The following CCPG1 variants were observed in gnomAD, a reference collection of about 807,000 sequenced individuals.
CCPG1 encodes cell cycle progression protein 1.
Under a neutral mutation model 81.3 loss-of-function variants are expected in CCPG1, and 46 were observed. That is an observed-to-expected ratio of 0.57 (90% CI 0.45 to 0.72). The LOEUF is 0.72. Ranked by LOEUF, CCPG1 falls within the 30% of genes least tolerant of loss-of-function variation. The pLI is 0.00. For synonymous variants in CCPG1, 330 were observed against 305.2 expected, an observed-to-expected ratio of 1.08 and a Z score of -0.85; for missense variants, 902 against 937.6, an observed-to-expected ratio of 0.96 and a Z score of 0.50.
chr15:55,398,076 G>A (rs914594128), intron 1 of CCPG1: 6 of 152,150 alleles, frequency 3.9e-5, no homozygotes, highest in African/African-American at 1.4e-4. Context: ...CATAAAGTAG[G>A]CGTCTGGAGA....
At chr15:55,397,424 G>A (rs1469146517) in intron 1 of CCPG1, among the ~76,000 whole-genome samples, 8 of 143,064 alleles carry the variant, frequency 5.6e-5, no homozygotes, top group Admixed American at 4.0e-4. Context: ...GGGGAGCAAA[G>A]GCAGAAGCAA....
intron 3 of CCPG1, among the ~76,000 whole-genome samples, chr15:55,379,842 T>G (rs2056644444): frequency 6.6e-6 from 1 of 152,084 alleles, no homozygotes; most frequent in Non-Finnish European, 1.5e-5. Context: ...CTCAAACCTG[T>G]AATCCCAGCA....
chr15:55,355,550 C>A lies in CCPG1; in HGVS notation c.*670G>T. 1 of 724,600 alleles carries A rather than the reference C, an allele frequency of 1.4e-6. No individual in the cohort carries two copies. The highest frequency in any genetic ancestry group is 2.3e-6 in the Non-Finnish European group (1 of 438,626). 44.9% of individuals were successfully genotyped at this position (724,600 alleles called of 1,614,324 possible). On this transcript the variant is annotated 3_prime_UTR_variant, in exon 9 of 9. Transcript: ENST00000442196. ...AAAAAAGCTGTATGAACTGCTTTAC[C>A]AAATATCACTACTGAGGAAATGTAT... is the stretch of plus-strand genomic sequence containing the variant.
chr15:55,371,667 C>T, intron 6 of CCPG1, 126 bp downstream of exon 6: 1 of 925,552 alleles, frequency 1.1e-6, no homozygotes, highest in South Asian at 1.9e-5. Flanking sequence ...GAGGCTCAAA[C>T]AGGCTTCAAG....
At chr15:55,385,140 C>T (rs1281825761) in intron 3 of CCPG1, among the ~76,000 whole-genome samples, 1 of 152,182 alleles carries the variant, frequency 6.6e-6, no homozygotes, top group East Asian at 1.9e-4. Context: ...GTTCTGTGGG[C>T]CTTCACCAAA....
intron 1 of CCPG1, chr15:55,400,068 A>C (rs2057097666): frequency 6.6e-6 from 1 of 151,732 alleles, no homozygotes; most frequent in African/African-American, 2.4e-5. Context: ...CTAGGCCCAC[A>C]TAGTGGCAGG....
At chr15:55,400,563 AAAAAC>A (rs903749093) in intron 1 of CCPG1, among the ~76,000 whole-genome samples, 1 of 142,640 alleles carries the variant, frequency 7.0e-6, no homozygotes, top group African/African-American at 3.0e-5. Flanking sequence ...TCAAAAAAAC[AAAAAC>A]AAAACAAAAC....
At chr15:55,374,157 T>A (rs1386333548) in intron 5 of CCPG1, 2 of 1,288,450 alleles carry the variant, frequency 1.6e-6, no homozygotes, top group Non-Finnish European at 2.0e-6. Context: ...CACACCACCT[T>A]GGAAAGCGAG....
chr15:55,374,394 A>T, intron 5 of CCPG1: 1 of 416,814 alleles, frequency 2.4e-6, no homozygotes, highest in Non-Finnish European at 4.2e-6. Context: ...CTTCTTAAAA[A>T]CACACAATAC....
At chr15:55,380,575 A>G (rs2056666751) in intron 3 of CCPG1, among the ~76,000 whole-genome samples, 1 of 151,888 alleles carries the variant, frequency 6.6e-6, no homozygotes, top group Non-Finnish European at 1.5e-5. Flanking sequence ...GATTATAGGC[A>G]TGAGCTACCG....
intron 2 of CCPG1, among the ~76,000 whole-genome samples, chr15:55,386,947 G>A (rs1159483850): frequency 6.6e-6 from 1 of 151,926 alleles, no homozygotes; most frequent in Non-Finnish European, 1.5e-5. Flanking sequence ...GCCCTAATGA[G>A]AATTCGGAAT....
At position 55,356,225 on chromosome 15, in the gene CCPG1, A is replaced by G. The variant is rs2056074848; in HGVS notation, c.2419T>C (p.Tyr807His). The part of the protein sequence containing the change: ...ELGQLPFDPQ[Y>H] The stretch of plus-strand genomic sequence containing the variant: ...TAATTTAACTCAATTGTGAATCAGT[A>G]TTGAGGATCAAAAGGTAATTGCCCC... The change falls in exon 9 of 9, where the codon TAC becomes CAC. Residue 807 changes from tyrosine (Y) to histidine (H), a missense_variant. Around this residue, in one of 3 missense-constraint regions of CCPG1, gnomAD observed 128 missense variants for 161.2 expected, o/e 0.79. Coordinates refer to ENST00000442196, the MANE Select transcript of CCPG1 (RefSeq NM_001204450.2). 11 of 1,533,412 alleles carry G rather than the reference A, an allele frequency of 7.2e-6. No homozygotes were observed. The highest frequency in any genetic ancestry group is 9.6e-6 in the Non-Finnish European group (11 of 1,145,920). The allele number at this position is 1,533,412 out of a possible 1,614,324, so 95.0% of individuals were successfully genotyped here.
intron 4 of CCPG1, 70 bp from the exon 5 acceptor site, chr15:55,377,220 C>G (rs2056585322): frequency 2.9e-6 from 3 of 1,045,026 alleles, no homozygotes; most frequent in Admixed American, 4.0e-5. Context: ...TCTTAGAATA[C>G]AACAGTAGTA....
In CCPG1 at chr15:55,355,668, C is replaced by T. The variant is rs2056064579; in HGVS notation, c.*552G>A. On this transcript the variant is annotated 3_prime_UTR_variant, in exon 9 of 9. Transcript: ENST00000442196. ...TCCTCATGGTGTAGTTTTATTGTTT[C>T]TTCCACGATATTCAGATGTGCAAAA... The T allele has an allele frequency of 3.0e-6, 1 of 334,224 alleles. No individual in the cohort carries two copies. The highest frequency in any genetic ancestry group is 4.7e-5 in the Admixed American group (1 of 21,490). 20.7% of individuals were successfully genotyped at this position (334,224 alleles called of 1,614,324 possible). A position where few individuals can be genotyped will look rare whatever the true frequency, so the allele number is the denominator to read the frequency against.
At chr15:55,392,643 C>A (rs991086208) in intron 1 of CCPG1, among the ~76,000 whole-genome samples, 2 of 152,082 alleles carry the variant, frequency 1.3e-5, no homozygotes, top group African/African-American at 4.8e-5. Flanking sequence ...ACCTCAGCCT[C>A]CTGAGTAGCT....
At chr15:55,380,457 G>A (rs983165772) in intron 3 of CCPG1, among the ~76,000 whole-genome samples, 11 of 151,222 alleles carry the variant, frequency 7.3e-5, no homozygotes, top group Non-Finnish European at 1.6e-4. Context: ...CACCACGCCC[G>A]GCTAATTTTT....
chr15:55,358,898 G>T (rs559117707), intron 8 of CCPG1: 1 of 962,466 alleles, frequency 1.0e-6, no homozygotes, highest in African/African-American at 1.8e-5. Flanking sequence ...GGTAAAAAAT[G>T]AAGCTAACAT....
chr15:55,407,650 C>T (rs943842383), intron 1 of CCPG1, among the ~76,000 whole-genome samples: 2 of 152,170 alleles, frequency 1.3e-5, no homozygotes, highest in African/African-American at 4.8e-5. Context: ...ATTAGGGAGA[C>T]CAAAGCTAAA....
At chr15:55,387,801 C>T (rs1249789790) in intron 2 of CCPG1, among the ~76,000 whole-genome samples, 2 of 144,966 alleles carry the variant, frequency 1.4e-5, no homozygotes, top group Non-Finnish European at 3.0e-5. Context: ...CGACCTCGGC[C>T]TCCCAAAGTG....
Sources: allele counts gnomAD v4.1 joint callset (sites outside exome capture counted in the v4.1 genomes callset), GRCh38; gene constraint gnomAD v4.1.1; regional missense constraint gnomAD v4.1.1; transcripts MANE v1.5; gene names NCBI Gene and HGNC (gene_info 2026-07-23, HGNC 2026-07-21).